Variants in PREX2 observed in about 807,000 individuals in gnomAD.
PREX2 encodes phosphatidylinositol-3,4,5-trisphosphate dependent Rac exchange factor 2.
In PREX2, 107 loss-of-function variants were observed where a neutral mutation model predicts 203.2. That is an observed-to-expected ratio of 0.53 (90% CI 0.45 to 0.62). PREX2 has a LOEUF of 0.62. PREX2 is among the 20% of genes least tolerant of loss of function. The pLI, the probability that PREX2 is intolerant of heterozygous loss-of-function variation, is 0.00. For synonymous variants in PREX2, 672 were observed against 663.6 expected (o/e 1.01, Z -0.19); for missense variants, 1,777 against 1,955.9 (o/e 0.91, Z 1.72).
chr8:68,151,256 T>TA (rs796692887), intron 34 of PREX2, among the ~76,000 whole-genome samples: 150 of 147,752 alleles, frequency 1.0e-3, no homozygotes, highest in African/African-American at 2.9e-3. Context: ...CCTCATCTCT[T>TA]AAAAAAAAAA....
intron 35 of PREX2, among the ~76,000 whole-genome samples, chr8:68,161,175 A>C (rs1406803358): frequency 3.3e-5 from 5 of 151,600 alleles, no homozygotes; most frequent in Non-Finnish European, 7.4e-5. Flanking sequence ...GCTCACTGCA[A>C]CCTCTGCCTC....
rs542456856 is a variant in PREX2, at chr8:68,017,423, A to G, written c.142-423A>G. On this transcript the variant is annotated intron_variant, in intron 1 of 39. Coordinates refer to ENST00000288368, the MANE Select transcript of PREX2 (RefSeq NM_024870.4). Reference sequence around the variant, plus strand: ...TATCAATCACTCAACCTACCTACCTATCTTCTATCTATTTATCTATCTCTA... The same window carrying G: ...TATCAATCACTCAACCTACCTACCTGTCTTCTATCTATTTATCTATCTCTA... Among the ~76,000 whole-genome samples, 3 of 152,212 alleles carry G rather than the reference A, an allele frequency of 2.0e-5. No individual in the cohort carries two copies. The South Asian group carries it at 6.2e-4, about 32-fold the overall frequency.
chr8:68,215,017 T>C (rs781532756), intron 37 of PREX2, among the ~76,000 whole-genome samples: 1 of 152,142 alleles, frequency 6.6e-6, no homozygotes, highest in Non-Finnish European at 1.5e-5. Context: ...ACATATCCAT[T>C]TGAAGGTAGA....
At chr8:67,995,285 C>G (rs1199211607) in intron 1 of PREX2, among the ~76,000 whole-genome samples, 2 of 152,006 alleles carry the variant, frequency 1.3e-5, no homozygotes. Context: ...TTTATTTTCA[C>G]TAGTATGTTA....
At chr8:68,151,335 T>C (rs1203595804) in intron 34 of PREX2, among the ~76,000 whole-genome samples, 1 of 152,004 alleles carries the variant, frequency 6.6e-6, no homozygotes, top group Non-Finnish European at 1.5e-5. Flanking sequence ...AAGGATCACT[T>C]GAGTCTAAGA....
At chr8:68,134,021 A>AT (rs1349911027) in intron 31 of PREX2, 38 bp from the exon 32 acceptor site, 21 of 1,559,602 alleles carry the variant, frequency 1.3e-5, no homozygotes, top group Non-Finnish European at 1.9e-5. Context: ...CATCTGCAAC[A>AT]TTTTTCGAAG....
At chr8:68,111,070 A>G (rs987890617) in intron 25 of PREX2, 1 of 250,928 alleles carries the variant, frequency 4.0e-6, no homozygotes, top group Non-Finnish European at 8.0e-6. Flanking sequence ...CATTTAATAA[A>G]TGAGATTTTA....
chr8:68,164,282 A>G (rs1031632918), intron 35 of PREX2, among the ~76,000 whole-genome samples: 2 of 152,100 alleles, frequency 1.3e-5, no homozygotes, highest in African/African-American at 2.4e-5. Context: ...AAGGATTTCC[A>G]TCCACAGGAA....
intron 2 of PREX2, among the ~76,000 whole-genome samples, 171 bp from the exon 3 acceptor site, chr8:68,019,378 G>C (rs1301728681): frequency 6.6e-6 from 1 of 152,226 alleles, no homozygotes; most frequent in African/African-American, 2.4e-5. Flanking sequence ...GGTTCCCAGA[G>C]TTGTGTCGGC....
chr8:68,008,474 A>G (rs1297865820), intron 1 of PREX2, among the ~76,000 whole-genome samples: 1 of 152,212 alleles, frequency 6.6e-6, no homozygotes, highest in Admixed American at 6.5e-5. Context: ...AAAGGGCCAT[A>G]GGATACTGAC....
At position 68,022,160 on chromosome 8, in the gene PREX2, T is replaced by C; in HGVS notation, c.441+20T>C. On this transcript the variant is annotated intron_variant, in intron 4 of 39. Coordinates refer to ENST00000288368, the MANE Select transcript of PREX2 (RefSeq NM_024870.4). The stretch of plus-strand genomic sequence containing the variant: ...CTTTTGGTAAGTGTATATTTATGTG[T>C]TACTGTATGTTGATATGTGTTGCTA... The C allele has an allele frequency of 8.7e-7, 1 of 1,150,928 alleles. No homozygotes were observed. Among genetic ancestry groups the C allele is most frequent in the Non-Finnish European group, 1.3e-6 (1 of 758,282 alleles). 71.3% of individuals were successfully genotyped at this position (1,150,928 alleles called of 1,614,324 possible).
intron 38 of PREX2, among the ~76,000 whole-genome samples, chr8:68,221,242 A>G (rs1812948484): frequency 1.3e-5 from 2 of 152,270 alleles, no homozygotes; most frequent in Middle Eastern, 3.4e-3. Context: ...TATGTACCAC[A>G]TGTTTTTTAT....
At chr8:68,176,274 T>G (rs552255621) in intron 35 of PREX2, among the ~76,000 whole-genome samples, 8 of 152,330 alleles carry the variant, frequency 5.3e-5, no homozygotes, top group African/African-American at 1.9e-4. Context: ...TGACATTCAT[T>G]GCATATCTTC....
chr8:68,201,670 G>A (rs970302417), intron 37 of PREX2, among the ~76,000 whole-genome samples: 1 of 152,080 alleles, frequency 6.6e-6, no homozygotes, highest in African/African-American at 2.4e-5. Flanking sequence ...TGACTCAAAT[G>A]TTAATCTCTT....
chr8:68,211,788 G>A lies in PREX2; in HGVS notation c.4605-5828G>A, dbSNP rs940661. Among the ~76,000 whole-genome samples the A allele has an allele frequency of 1.8e-3, 269 of 152,276 alleles. 2 individuals carry two copies. The highest frequency in any genetic ancestry group is 6.1e-3 in the African/African-American group (252 of 41,552). On this transcript the variant is annotated intron_variant, in intron 37 of 39. Transcript: ENST00000288368. ...TGGTACTAAGATGCTGACTGAAAGC[G>A]TAAAGAAGTTGTGGGTTGTGGGGAG...
At chr8:68,117,767 C>A (rs927276684) in intron 26 of PREX2, among the ~76,000 whole-genome samples, 1 of 152,186 alleles carries the variant, frequency 6.6e-6, no homozygotes, top group African/African-American at 2.4e-5. Context: ...TTATCAAGCA[C>A]TTCCCTGTGC....
At chr8:68,011,636 A>C (rs1247953412) in intron 1 of PREX2, among the ~76,000 whole-genome samples, 1 of 152,032 alleles carries the variant, frequency 6.6e-6, no homozygotes, top group Non-Finnish European at 1.5e-5. Context: ...TGACTTTTAT[A>C]TGAATACTCT....
At chr8:68,047,480 T>TATATATATATATACAC (rs1554570836) in intron 8 of PREX2, among the ~76,000 whole-genome samples, 3 of 62,740 alleles carry the variant, frequency 4.8e-5, no homozygotes, top group African/African-American at 2.8e-4. Context: ...TATATATATA[T>TATATATATATATACAC]ATATATATAT....
chr8:68,195,972 A>T (rs919639025), intron 37 of PREX2, among the ~76,000 whole-genome samples: 1 of 152,224 alleles, frequency 6.6e-6, no homozygotes, highest in Non-Finnish European at 1.5e-5. Context: ...TGCCAATCTG[A>T]ATCAGATGGC....
Sources: allele counts gnomAD v4.1 joint callset (sites outside exome capture counted in the v4.1 genomes callset), GRCh38; gene constraint gnomAD v4.1.1; transcripts MANE v1.5; gene names NCBI Gene and HGNC (gene_info 2026-07-23, HGNC 2026-07-21).